The following DDR2 variants were observed in gnomAD, a reference collection of about 807,000 sequenced individuals.
The protein encoded by DDR2 is discoidin domain-containing receptor 2.
Under a neutral mutation model 94.9 loss-of-function variants are expected in DDR2, and 27 were observed. That is an observed-to-expected ratio of 0.28 (90% confidence interval 0.21 to 0.39). The LOEUF is 0.39. DDR2 is among the 10% of genes least tolerant of loss of function. DDR2 has a pLI of 1.00. For synonymous variants in DDR2, 382 were observed against 377.2 expected (o/e 1.01, Z -0.15); for missense variants, 783 against 1,076.0 (o/e 0.73, Z 3.81).
At chr1:162,675,008 A>C (rs1388996331) in intron 2 of DDR2, among the ~76,000 whole-genome samples, 2 of 152,080 alleles carry the variant, frequency 1.3e-5, no homozygotes, top group African/African-American at 2.4e-5. Flanking sequence ...ACAAAAAAAA[A>C]CTAGCCGGGC....
At chr1:162,673,144 T>A (rs771235006) in intron 2 of DDR2, among the ~76,000 whole-genome samples, 28 of 152,206 alleles carry the variant, frequency 1.8e-4, no homozygotes, top group Non-Finnish European at 3.5e-4. Context: ...TACTTCCAAA[T>A]TCTTTCCCCT....
chr1:162,678,526 A>G (rs115478411), intron 2 of DDR2, among the ~76,000 whole-genome samples: 1,716 of 152,314 alleles, frequency 0.011, 28 homozygotes, highest in African/African-American at 0.039. Context: ...CCTCAAGATC[A>G]TCTAATCCAA....
chr1:162,776,441 C>T, intron 16 of DDR2, 71 bp downstream of exon 16: 4 of 1,466,768 alleles, frequency 2.7e-6, no homozygotes, highest in Non-Finnish European at 3.8e-6. Context: ...CACGTGGAGA[C>T]AAACCTGAGA....
rs1663740923 is a variant in DDR2 at position 162,761,455 on chromosome 1, G to C, written c.1099+1G>C. On this transcript the variant is annotated splice_donor_variant, in intron 9 of 17. Coordinates refer to ENST00000367921, the MANE Select transcript of DDR2 (RefSeq NM_006182.4). LOFTEE classifies it high-confidence loss of function. ...TTCAGTGAGATCACCTTCCAATCAG[G>C]TAGGGAGCTCAGGTCCTCTTTGGGA... The C allele has an allele frequency of 6.2e-7, 1 of 1,614,188 alleles. No individual in the cohort carries two copies. Among genetic ancestry groups the C allele is most frequent in the East Asian group, 2.2e-5 (1 of 44,880 alleles).
rs2102199064 is a variant in DDR2, at chr1:162,776,243, G to A, written c.2156G>A (p.Gly719Asp). ...RDLATRNCLV[G>D]KNYTIKIADF... ...CTGGCCACACGAAACTGTTTAGTGGGTAAGAACTACACAATCAAGATAGCT... is the reference window on the plus strand; with the variant it reads ...CTGGCCACACGAAACTGTTTAGTGGATAAGAACTACACAATCAAGATAGCT... The change falls in exon 16 of 18, where the codon GGT becomes GAT. Residue 719 changes from glycine to aspartate, a missense_variant. By Grantham distance (94) the Gly-to-Asp change is moderately conservative (BLOSUM62 -1). Around this residue, in one of 2 missense-constraint regions of DDR2, gnomAD observed 264 missense variants for 428.2 expected, o/e 0.62. Coordinates refer to ENST00000367921, the MANE Select transcript of DDR2 (RefSeq NM_006182.4). 1.2e-6 allele frequency: 2 copies of A among 1,613,838 alleles called. No homozygotes were observed. The highest frequency in any genetic ancestry group is 1.7e-6 in the Non-Finnish European group (2 of 1,179,932).
Position 162,739,685 on chromosome 1 carries a change from G to A in DDR2, c.83-13410G>A, listed in dbSNP as rs138523684. Among the ~76,000 whole-genome samples the A allele has an allele frequency of 4.5e-3, 682 of 152,246 alleles. 6 individuals carry two copies. The highest frequency in any genetic ancestry group is 0.015 in the African/African-American group (641 of 41,520). On this transcript the variant is annotated intron_variant, in intron 3 of 17. Coordinates refer to ENST00000367921, the MANE Select transcript of DDR2 (RefSeq NM_006182.4). ...CTTTGCTATTGTGAATAGTGTGAGC[G>A]GAAGAATTTCATGATTTGATTTACA...
At chr1:162,654,744 T>A (rs1657874385) in intron 1 of DDR2, among the ~76,000 whole-genome samples, 1 of 152,004 alleles carries the variant, frequency 6.6e-6, no homozygotes, top group African/African-American at 2.4e-5. Flanking sequence ...CTCTCACGAG[T>A]GTACGGTGGA....
intron 3 of DDR2, among the ~76,000 whole-genome samples, chr1:162,724,705 G>A (rs530295821): frequency 6.6e-6 from 1 of 152,292 alleles, no homozygotes; most frequent in African/African-American, 2.4e-5. Context: ...GGTGATGCTA[G>A]TTTCAGGTTT....
At position 162,778,158 on chromosome 1, in the gene DDR2, A is replaced by C. The variant is rs577634472; in HGVS notation, c.2284-422A>C. ...CACTTGTTAAAGTCTATCTTTCAAC[A>C]CTGTGATTATCACTGAACTGGTAAA... On this transcript the variant is annotated intron_variant, in intron 16 of 17. Coordinates refer to ENST00000367921, the MANE Select transcript of DDR2 (RefSeq NM_006182.4). 96 of 296,400 alleles carry C rather than the reference A, an allele frequency of 3.2e-4. 1 individual carries two copies. Among genetic ancestry groups the C allele is most frequent in the African/African-American group, 1.9e-3 (87 of 46,008 alleles). 18.4% of individuals were successfully genotyped at this position (296,400 alleles called of 1,614,324 possible).
chr1:162,729,631 T>C (rs1180983753), intron 3 of DDR2, among the ~76,000 whole-genome samples: 1 of 151,182 alleles, frequency 6.6e-6, no homozygotes, highest in Non-Finnish European at 1.5e-5. Flanking sequence ...ATTACAGTGC[T>C]TGGCTTATAT....
intron 2 of DDR2, among the ~76,000 whole-genome samples, chr1:162,681,272 T>A (rs1659384074): frequency 1.3e-5 from 2 of 152,086 alleles, no homozygotes; most frequent in South Asian, 4.2e-4. Flanking sequence ...TGACTGCAGT[T>A]TGGTTGGTTG....
intron 2 of DDR2, among the ~76,000 whole-genome samples, chr1:162,700,691 A>G (rs1660392756): frequency 6.6e-6 from 1 of 152,204 alleles, no homozygotes; most frequent in Admixed American, 6.5e-5. Context: ...TTTTGGAAGC[A>G]ATGAGAATCT....
intron 3 of DDR2, among the ~76,000 whole-genome samples, chr1:162,741,248 A>ATAATGTAATGTAATG (rs371729446): frequency 1.7e-5 from 2 of 120,806 alleles, no homozygotes; most frequent in South Asian, 2.8e-4. Context: ...ATAATATAGT[A>ATAATGTAATGTAATG]TAATGTAATG....
At chr1:162,712,063 T>A (rs1660940485) in intron 2 of DDR2, among the ~76,000 whole-genome samples, 1 of 151,730 alleles carries the variant, frequency 6.6e-6, no homozygotes, top group Non-Finnish European at 1.5e-5. Flanking sequence ...TCAGCACTTA[T>A]CTCCCAAGGT....
intron 2 of DDR2, among the ~76,000 whole-genome samples, chr1:162,698,517 G>A (rs1285279282): frequency 6.6e-6 from 1 of 152,098 alleles, no homozygotes; most frequent in Non-Finnish European, 1.5e-5. Context: ...ACTTCTGGAT[G>A]TGCCATGGTG....
At chr1:162,710,937 A>G (rs567885883) in intron 2 of DDR2, among the ~76,000 whole-genome samples, 1 of 152,230 alleles carries the variant, frequency 6.6e-6, no homozygotes, top group South Asian at 2.1e-4. Context: ...CAGGCCACAG[A>G]TGATTTTCCT....
At chr1:162,636,461 A>G (rs1656826037) in intron 1 of DDR2, among the ~76,000 whole-genome samples, 1 of 152,216 alleles carries the variant, frequency 6.6e-6, no homozygotes. Flanking sequence ...GAACCCCACA[A>G]AAATCTGTGA....
Position 162,761,338 on chromosome 1 carries a change from A to C in DDR2, c.983A>C (p.Asn328Thr). The change falls in exon 9 of 18, where the codon AAC (asparagine) becomes ACC (threonine). Residue 328 changes from asparagine (N) to threonine (T), a missense_variant. Transcript: ENST00000367921. The part of the protein sequence containing the change: ...ISFPLVLDDV[N>T]PSARFVTVPL... Reference sequence around the variant, plus strand: ...TTCCCCCTTGTCCTGGATGACGTCAACCCCAGTGCTCGGTTTGTCACGGTG... The same window carrying C: ...TTCCCCCTTGTCCTGGATGACGTCACCCCCAGTGCTCGGTTTGTCACGGTG... 6.2e-7 allele frequency: 1 copy of C among 1,614,042 alleles called. No individual in the cohort carries two copies. Among genetic ancestry groups the C allele is most frequent in the East Asian group, 2.2e-5 (1 of 44,866 alleles).
At chr1:162,722,931 T>G (rs889905276) in intron 3 of DDR2, among the ~76,000 whole-genome samples, 1 of 152,216 alleles carries the variant, frequency 6.6e-6, no homozygotes, top group Non-Finnish European at 1.5e-5. Context: ...CAAGAAAGAC[T>G]ACTTGTTTCC....
Sources: allele counts gnomAD v4.1 joint callset (sites outside exome capture counted in the v4.1 genomes callset), GRCh38; gene constraint gnomAD v4.1.1; regional missense constraint gnomAD v4.1.1; transcripts MANE v1.5; gene names NCBI Gene and HGNC (gene_info 2026-07-23, HGNC 2026-07-21).